The following ARHGAP28 variants were observed in gnomAD, a reference collection of about 807,000 sequenced individuals.
The protein encoded by ARHGAP28 is Rho GTPase activating protein 28.
Under a neutral mutation model 90.7 loss-of-function variants are expected in ARHGAP28, and 56 were observed. That is an observed-to-expected ratio of 0.62 (90% CI 0.50 to 0.77). The LOEUF is 0.77. Ranked by LOEUF, ARHGAP28 falls within the 30% of genes least tolerant of loss-of-function variation. ARHGAP28 has a pLI of 0.00. For missense variants in ARHGAP28, 869 were observed against 900.9 expected (o/e 0.96, Z 0.45); for synonymous variants, 308 against 323.3 (o/e 0.95, Z 0.51).
rs76172160 is a variant in ARHGAP28 at position 6,735,455 on chromosome 18, G to C, written c.122+5512G>C. Reference sequence around the variant, plus strand: ...TCCTGCAATCTGACAGACTGTCCTTGTCTTTCATGACACTTTTTGAGAACT... The same window carrying C: ...TCCTGCAATCTGACAGACTGTCCTTCTCTTTCATGACACTTTTTGAGAACT... On this transcript the variant is annotated intron_variant, in intron 1 of 17. Coordinates refer to ENST00000383472, the MANE Select transcript of ARHGAP28 (RefSeq NM_001366230.1). Among the ~76,000 whole-genome samples the C allele has an allele frequency of 4.1e-3, 630 of 152,066 alleles. 4 individuals are homozygous for C. Among genetic ancestry groups the C allele is most frequent in the African/African-American group, 0.014 (595 of 41,500 alleles).
At chr18:6,775,787 C>T (rs2056278830) in intron 1 of ARHGAP28, among the ~76,000 whole-genome samples, 1 of 152,166 alleles carries the variant, frequency 6.6e-6, no homozygotes, top group Non-Finnish European at 1.5e-5. Flanking sequence ...ATAATTACTG[C>T]TCCCCTCCCA....
At chr18:6,777,001 T>C (rs2056289132) in intron 1 of ARHGAP28, among the ~76,000 whole-genome samples, 1 of 152,186 alleles carries the variant, frequency 6.6e-6, no homozygotes, top group African/African-American at 2.4e-5. Flanking sequence ...TGGAACATCC[T>C]CCCAACAATT....
chr18:6,741,333 G>A (rs1230668357), intron 1 of ARHGAP28, among the ~76,000 whole-genome samples: 5 of 152,134 alleles, frequency 3.3e-5, no homozygotes, highest in Non-Finnish European at 1.5e-5. Flanking sequence ...GTGATTACAA[G>A]GTCGACTTGG....
intron 1 of ARHGAP28, among the ~76,000 whole-genome samples, chr18:6,775,426 C>A (rs1226987305): frequency 6.6e-6 from 1 of 152,066 alleles, no homozygotes; most frequent in Non-Finnish European, 1.5e-5. Flanking sequence ...ATTGAACTTG[C>A]TTTTTAGATT....
At chr18:6,844,048 G>A (rs2056847444) in intron 3 of ARHGAP28, among the ~76,000 whole-genome samples, 1 of 152,094 alleles carries the variant, frequency 6.6e-6, no homozygotes, top group African/African-American at 2.4e-5. Context: ...TGAATTAAAT[G>A]TTCCTTTCAG....
chr18:6,873,901 C>T lies in ARHGAP28; in HGVS notation c.1212+126C>T, dbSNP rs2057110462. The T allele has an allele frequency of 5.9e-5, 49 of 823,726 alleles. No individual in the cohort carries two copies. In the South Asian group the frequency reaches 8.2e-4, roughly 14 times the overall value. 51.0% of individuals were successfully genotyped at this position (823,726 alleles called of 1,614,324 possible). On this transcript the variant is annotated intron_variant, in intron 9 of 17. Transcript: ENST00000383472. ...CTATCGCCCTATTAGGACTCAGGCCCCTGGTGATTTTCAGCTTTATTCCAT... is the reference window on the plus strand; with the variant it reads ...CTATCGCCCTATTAGGACTCAGGCCTCTGGTGATTTTCAGCTTTATTCCAT...
In ARHGAP28 at chr18:6,824,805, A is replaced by G. The variant is rs201097037; in HGVS notation, c.166A>G (p.Asn56Asp). The G allele has an allele frequency of 5.5e-5, 84 of 1,536,170 alleles. No homozygotes were observed. The Admixed American group carries it at 5.7e-4, about 10-fold the overall frequency. Residue 56 changes from asparagine (N) to aspartate (D), a missense_variant, in exon 2 of 18, where the codon AAT (asparagine) becomes GAT (aspartate). Coordinates refer to ENST00000383472, the MANE Select transcript of ARHGAP28 (RefSeq NM_001366230.1). ...CCGAAGAATTAACAGGATGCTCTCC[A>G]ATGAATCCCTCCATCCTCCTGCCTT... The part of the protein sequence containing the change: ...RCRRINRMLS[N>D]ESLHPPAFSR...
chr18:6,777,591 G>C (rs1287401161), intron 1 of ARHGAP28, among the ~76,000 whole-genome samples: 1 of 152,096 alleles, frequency 6.6e-6, no homozygotes, highest in Non-Finnish European at 1.5e-5. Flanking sequence ...AGGTCTTGGT[G>C]GCATTCGCCT....
At chr18:6,893,159 C>T (rs375938776) in intron 14 of ARHGAP28, among the ~76,000 whole-genome samples, 195 of 152,296 alleles carry the variant, frequency 1.3e-3, no homozygotes, top group African/African-American at 4.5e-3. Context: ...TTACACCCCT[C>T]TAGCACCCAT....
chr18:6,840,863 A>T (rs756941932), intron 3 of ARHGAP28, among the ~76,000 whole-genome samples: 87 of 152,198 alleles, frequency 5.7e-4, no homozygotes, highest in Non-Finnish European at 1.1e-3. Flanking sequence ...GCTGCTTAGA[A>T]AATTCAGATT....
chr18:6,822,104 A>G (rs984952240), intron 1 of ARHGAP28, among the ~76,000 whole-genome samples: 3 of 152,316 alleles, frequency 2.0e-5, no homozygotes, highest in South Asian at 2.1e-4. Context: ...TTATAGAACA[A>G]TATTGGTATG....
intron 1 of ARHGAP28, among the ~76,000 whole-genome samples, chr18:6,760,081 A>G (rs1159685219): frequency 6.6e-6 from 1 of 152,202 alleles, no homozygotes. Flanking sequence ...ATGGAATTAT[A>G]TCCTAACTAT....
intron 1 of ARHGAP28, among the ~76,000 whole-genome samples, chr18:6,755,059 G>T (rs1352193187): frequency 1.3e-5 from 2 of 152,128 alleles, no homozygotes; most frequent in Non-Finnish European, 2.9e-5. Context: ...TGTAATCCCA[G>T]CTACTTGGGA....
chr18:6,844,458 G>A (rs893501291), intron 3 of ARHGAP28, among the ~76,000 whole-genome samples: 2 of 152,142 alleles, frequency 1.3e-5, no homozygotes, highest in African/African-American at 4.8e-5. Context: ...TTTAGTAGGT[G>A]CTCAGTATGG....
At chr18:6,890,636 C>A in intron 14 of ARHGAP28, 93 bp downstream of exon 14, 1 of 691,036 alleles carries the variant, frequency 1.4e-6, no homozygotes, top group Non-Finnish European at 2.4e-6. Flanking sequence ...TAGAACCAAG[C>A]ATTTTATATT....
chr18:6,827,134 A>G (rs915404919), intron 2 of ARHGAP28, among the ~76,000 whole-genome samples: 12 of 151,882 alleles, frequency 7.9e-5, no homozygotes, highest in African/African-American at 2.9e-4. Flanking sequence ...TCTCTTCCCC[A>G]CCTTTCCCCG....
In ARHGAP28 at chr18:6,912,176, A is replaced by G. The variant is rs778441767; in HGVS notation, c.*22A>G. On this transcript the variant is annotated 3_prime_UTR_variant, in exon 18 of 18. Coordinates refer to ENST00000383472, the MANE Select transcript of ARHGAP28 (RefSeq NM_001366230.1). ...TTAAAATATCCTCGAGAGAGCTGCT[A>G]TCATGTATTATATGCCAAAAAGATC... 28 of 1,410,406 alleles carry G rather than the reference A, an allele frequency of 2.0e-5. No individual in the cohort carries two copies. Among genetic ancestry groups the G allele is most frequent in the Non-Finnish European group, 2.5e-5 (25 of 1,008,918 alleles). 87.4% of individuals were successfully genotyped at this position (1,410,406 alleles called of 1,614,324 possible). A position where few individuals can be genotyped will look rare whatever the true frequency, so the allele number is the denominator to read the frequency against.
At chr18:6,756,873 C>G (rs999581685) in intron 1 of ARHGAP28, among the ~76,000 whole-genome samples, 3 of 152,180 alleles carry the variant, frequency 2.0e-5, no homozygotes, top group Non-Finnish European at 4.4e-5. Flanking sequence ...CAAGACTCTG[C>G]AAGTCCACTG....
intron 2 of ARHGAP28, 124 bp from the exon 3 acceptor site, chr18:6,837,073 T>C (rs1220676955): frequency 1.4e-6 from 1 of 707,684 alleles, no homozygotes; most frequent in Non-Finnish European, 2.3e-6. Flanking sequence ...TTGTAGTTCT[T>C]TCCCATAATT....
Sources: gnomAD v4.1 joint callset for allele counts (sites outside exome capture counted in the v4.1 genomes callset) on GRCh38, gnomAD v4.1.1 for gene constraint, MANE v1.5 for transcripts, NCBI Gene and HGNC (gene_info 2026-07-23, HGNC 2026-07-21) for gene names.